SPATS2L: variants seen among roughly 807,000 people sequenced by gnomAD.
SPATS2L encodes SPATS2-like protein.
SPATS2L carries 30 observed loss-of-function variants against 59.6 expected under a neutral mutation model. The observed-to-expected ratio is 0.50, with a 90% CI of 0.38 to 0.68. The LOEUF (loss-of-function observed/expected upper bound fraction) is 0.68, where lower values mean the gene tolerates loss of function less well. Among genes scored for constraint, SPATS2L ranks in the 30% least tolerant of loss-of-function variants. The probability of loss-of-function intolerance (pLI) is 0.00; values close to 1 mark genes in which losing one functional copy is unlikely to be tolerated. For missense variants in SPATS2L, 615 were observed against 700.0 expected, an observed-to-expected ratio of 0.88 and a Z score of 1.37; for synonymous variants, 252 against 263.5, an observed-to-expected ratio of 0.96 and a Z score of 0.42.
intron 1 of SPATS2L, among the ~76,000 whole-genome samples, chr2:200,307,506 TG>T (rs932685741): frequency 1.3e-5 from 2 of 151,918 alleles, no homozygotes; most frequent in Non-Finnish European, 2.9e-5. Context: ...GCGGGTGGGC[TG>T]GGGTGGCCGG....
intron 2 of SPATS2L, among the ~76,000 whole-genome samples, chr2:200,360,537 G>T (rs977085084): frequency 2.6e-5 from 4 of 152,190 alleles, no homozygotes; most frequent in Non-Finnish European, 4.4e-5. Context: ...CTCTTTGCCG[G>T]CAGGCAGAAG....
chr2:200,362,842 C>G (rs2081152662), intron 2 of SPATS2L, among the ~76,000 whole-genome samples: 1 of 152,176 alleles, frequency 6.6e-6, no homozygotes, highest in South Asian at 2.1e-4. Flanking sequence ...GTTGGTGTTG[C>G]AGCTTTGTGG....
At chr2:200,323,076 A>G (rs2079617125) in intron 1 of SPATS2L, among the ~76,000 whole-genome samples, 2 of 152,202 alleles carry the variant, frequency 1.3e-5, no homozygotes, top group South Asian at 2.1e-4. Context: ...ATGACCACCA[A>G]CTTGGCATGT....
chr2:200,351,152 A>T (rs1463110045), intron 2 of SPATS2L: 3 of 450,920 alleles, frequency 6.7e-6, no homozygotes, highest in African/African-American at 2.0e-5. Flanking sequence ...ATGGGTGGAA[A>T]GCAGTGCGAA....
intron 6 of SPATS2L, among the ~76,000 whole-genome samples, chr2:200,430,141 C>G (rs1286804950): frequency 6.6e-6 from 1 of 152,112 alleles, no homozygotes; most frequent in Admixed American, 6.6e-5. Context: ...AGTGCAAGTT[C>G]TGTGACGACA....
Position 200,477,948 on chromosome 2 carries a change from C to T in SPATS2L, c.1594C>T (p.Gln532Ter). Residue 532 changes from glutamine to a stop codon, truncating the protein, a stop_gained, in exon 13 of 13, where the codon CAG becomes TAG. Transcript: ENST00000409140. LOFTEE classifies it high-confidence loss of function. ...CCGGGGTAGTGTCGGTAGGGTTTCACAGTGCAATCTCTGCCCCACGAGAAT... is the reference window on the plus strand; with the variant it reads ...CCGGGGTAGTGTCGGTAGGGTTTCATAGTGCAATCTCTGCCCCACGAGAAT... ...PFRGSVGRVS[Q>*]CNLCPTRIEV... The T allele has an allele frequency of 6.2e-7, 1 of 1,611,288 alleles. No individual in the cohort carries two copies. Among genetic ancestry groups the T allele is most frequent in the South Asian group, 1.1e-5 (1 of 90,958 alleles).
At chr2:200,308,723 C>A (rs994214164) in intron 1 of SPATS2L, among the ~76,000 whole-genome samples, 1 of 152,124 alleles carries the variant, frequency 6.6e-6, no homozygotes, top group Admixed American at 6.5e-5. Context: ...TAGCTAAAGA[C>A]GTTAGTAAAA....
intron 12 of SPATS2L, 31 bp downstream of exon 12, chr2:200,473,083 G>T (rs1185155914): frequency 6.9e-5 from 85 of 1,233,004 alleles, no homozygotes; most frequent in Non-Finnish European, 8.0e-5. Flanking sequence ...GGTGCCAGAG[G>T]AAAAAAAAAA....
Position 200,440,776 on chromosome 2 carries a change from A to G in SPATS2L, c.780A>G (p.Leu260=). The G allele has an allele frequency of 1.2e-6, 2 of 1,613,466 alleles. No individual in the cohort carries two copies. Among genetic ancestry groups the G allele is most frequent in the Non-Finnish European group, 1.7e-6 (2 of 1,179,562 alleles). Residue 260 remains leucine (L), a synonymous_variant, in exon 8 of 13, where the codon TTA becomes TTG. Transcript: ENST00000409140. ...VKKIKAAFAE[L]HNCIIDKEVS... ...AGATCAAAGCTGCCTTTGCTGAATT[A>G]CACAACTGGTGAGTGATTCAACGTA...
chr2:200,374,719 A>C (rs1286249888), intron 2 of SPATS2L, among the ~76,000 whole-genome samples: 2 of 152,216 alleles, frequency 1.3e-5, no homozygotes, highest in Non-Finnish European at 2.9e-5. Flanking sequence ...CGAATCGGCC[A>C]AGAATGGGTA....
At chr2:200,451,051 G>T (rs1169215642) in intron 8 of SPATS2L, among the ~76,000 whole-genome samples, 2 of 152,184 alleles carry the variant, frequency 1.3e-5, no homozygotes, top group Admixed American at 1.3e-4. Flanking sequence ...GGGCACGGTG[G>T]CTCACACCTG....
At chr2:200,393,303 T>G (rs1295880204) in intron 3 of SPATS2L, 4 of 456,812 alleles carry the variant, frequency 8.8e-6, no homozygotes, top group South Asian at 4.6e-5. Flanking sequence ...TTAGAGTGTC[T>G]TATTCAAAAC....
At position 200,440,702 on chromosome 2, in the gene SPATS2L, A is replaced by G; in HGVS notation, c.706A>G (p.Thr236Ala). The part of the protein sequence containing the change: ...KDLQRCTVSL[T>A]RYRVMIKEEV... ...TTTGCAACGCTGCACCGTTTCTCTA[A>G]CTAGATATCGCGTCATGATTAAGGA... The change falls in exon 8 of 13, where the codon ACT (threonine) becomes GCT (alanine). Residue 236 changes from threonine (T) to alanine (A), a missense_variant. Thr to Ala is a moderately conservative substitution (Grantham distance 58). Coordinates refer to ENST00000409140, the MANE Select transcript of SPATS2L (RefSeq NM_001100423.2). The G allele has an allele frequency of 1.9e-6, 3 of 1,613,704 alleles. No homozygotes were observed. The East Asian group carries it at 6.7e-5, about 36-fold the overall frequency.
At chr2:200,390,172 C>G (rs73986856) in intron 3 of SPATS2L, 3,701 of 152,278 alleles carry the variant, frequency 0.024, 143 homozygotes, top group African/African-American at 0.084. Flanking sequence ...TGTATCCTCA[C>G]CATACCAAAA....
At chr2:200,361,835 A>G (rs2081116305) in intron 2 of SPATS2L, among the ~76,000 whole-genome samples, 1 of 152,172 alleles carries the variant, frequency 6.6e-6, no homozygotes, top group Non-Finnish European at 1.5e-5. Flanking sequence ...TAAAAGAAAA[A>G]CTATAATGTT....
rs80131360 is a variant in SPATS2L at position 200,353,656 on chromosome 2, C to T, written c.-23+24176C>T. 7.5e-4 allele frequency among the ~76,000 whole-genome samples: 114 copies of T among 152,092 alleles called. 1 individual carries two copies. The East Asian group carries it at 0.021, about 28-fold the overall frequency. ...TCCCCTATTTCACAAAGAAATCTGA[C>T]TTAGTTTAGCTTATCCCTAAAAAAA... On this transcript the variant is annotated intron_variant, in intron 2 of 12. Coordinates refer to ENST00000409140, the MANE Select transcript of SPATS2L (RefSeq NM_001100423.2).
chr2:200,436,176 T>C (rs1445890932), intron 6 of SPATS2L, among the ~76,000 whole-genome samples: 1 of 152,100 alleles, frequency 6.6e-6, no homozygotes, highest in African/African-American at 2.4e-5. Context: ...GGAGAGCTGA[T>C]GGTATTTCTG....
chr2:200,361,464 A>C (rs1403116819), intron 2 of SPATS2L, among the ~76,000 whole-genome samples: 2 of 152,214 alleles, frequency 1.3e-5, no homozygotes, highest in African/African-American at 4.8e-5. Context: ...CCAATTAAAA[A>C]AATATCTGCA....
chr2:200,394,235 A>G (rs1251426179), intron 3 of SPATS2L, among the ~76,000 whole-genome samples: 1 of 152,098 alleles, frequency 6.6e-6, no homozygotes, highest in African/African-American at 2.4e-5. Flanking sequence ...TTACACCCTT[A>G]TCCACTGCCG....
Sources: gnomAD v4.1 joint callset for allele counts (sites outside exome capture counted in the v4.1 genomes callset) on GRCh38, gnomAD v4.1.1 for gene constraint, MANE v1.5 for transcripts, NCBI Gene and HGNC (gene_info 2026-07-23, HGNC 2026-07-21) for gene names.